ALKBH1: variants seen among roughly 807,000 people sequenced by gnomAD.
The protein encoded by ALKBH1 is nucleic acid dioxygenase ALKBH1.
ALKBH1 carries 31 observed loss-of-function variants against 36.6 expected under a neutral mutation model. That is an observed-to-expected ratio of 0.85 (90% CI 0.64 to 1.14). The LOEUF (loss-of-function observed/expected upper bound fraction) is 1.14. ALKBH1 is among the 50% of genes most tolerant of loss of function. ALKBH1 has a pLI of 0.00. For missense variants in ALKBH1, 490 were observed against 497.3 expected (o/e 0.99, Z 0.14); for synonymous variants, 183 against 186.6 (o/e 0.98, Z 0.16).
chr14:77,692,954 C>T (rs2080306046), intron 3 of ALKBH1, among the ~76,000 whole-genome samples: 2 of 151,520 alleles, frequency 1.3e-5, no homozygotes, highest in South Asian at 2.1e-4. Flanking sequence ...ACCTGTAATC[C>T]CAGCACTTTG....
intron 3 of ALKBH1, among the ~76,000 whole-genome samples, chr14:77,681,088 GATCA>G (rs1595049196): frequency 6.6e-6 from 1 of 152,034 alleles, no homozygotes; most frequent in Non-Finnish European, 1.5e-5. Context: ...TTACATCATT[GATCA>G]ATCAAAAATT....
chr14:77,704,307 T>C (rs2080376085), intron 2 of ALKBH1, 62 bp downstream of exon 2: 2 of 1,191,108 alleles, frequency 1.7e-6, no homozygotes, highest in East Asian at 2.3e-5. Context: ...GTACCTTCTT[T>C]GAAGACATGA....
chr14:77,703,554 C>T (rs1448240010), intron 2 of ALKBH1, among the ~76,000 whole-genome samples: 1 of 149,854 alleles, frequency 6.7e-6, no homozygotes, highest in South Asian at 2.1e-4. Flanking sequence ...CTCGGCCTCC[C>T]AAAGTGTTGG....
intron 2 of ALKBH1, among the ~76,000 whole-genome samples, chr14:77,701,059 C>T (rs1220967995): frequency 6.6e-6 from 1 of 152,160 alleles, no homozygotes; most frequent in Non-Finnish European, 1.5e-5. Context: ...TGTGCTACTG[C>T]ACCCCACTGG....
chr14:77,680,480 A>T (rs1386131785), intron 3 of ALKBH1, among the ~76,000 whole-genome samples: 1 of 152,198 alleles, frequency 6.6e-6, no homozygotes, highest in Admixed American at 6.5e-5. Context: ...AATAAAAAAT[A>T]ACTGGTTTAA....
rs1471363744 is a variant in ALKBH1 at position 77,672,438 on chromosome 14, A to C, written c.*1374T>G. On this transcript the variant is annotated 3_prime_UTR_variant, in exon 6 of 6. Transcript: ENST00000216489. ...AATCCATAATTTTTATTCATTTAAA[A>C]ACCCTGCTATTACCATATGAACTCA... is the stretch of plus-strand genomic sequence containing the variant. 1 of 152,212 alleles carries C rather than the reference A, an allele frequency of 6.6e-6. No individual in the cohort carries two copies. Among genetic ancestry groups the C allele is most frequent in the African/African-American group, 2.4e-5 (1 of 41,442 alleles). 9.4% of individuals were successfully genotyped at this position (152,212 alleles called of 1,614,324 possible).
intron 3 of ALKBH1, 63 bp downstream of exon 3, chr14:77,694,675 C>T: frequency 7.5e-7 from 1 of 1,333,966 alleles, no homozygotes; most frequent in Non-Finnish European, 9.8e-7. Flanking sequence ...AGAACAGTTC[C>T]TTCAAAGACC....
At chr14:77,696,793 C>G (rs1257304338) in intron 2 of ALKBH1, 3 of 152,530 alleles carry the variant, frequency 2.0e-5, no homozygotes, top group African/African-American at 7.2e-5. Context: ...GCAAAGATAT[C>G]CTGCTGGTGG....
intron 3 of ALKBH1, among the ~76,000 whole-genome samples, chr14:77,685,170 C>T (rs1007915766): frequency 3.9e-5 from 6 of 152,128 alleles, no homozygotes; most frequent in African/African-American, 1.2e-4. Flanking sequence ...TCACTGGGAG[C>T]GGTGGCTCAC....
intron 3 of ALKBH1, chr14:77,683,156 T>A (rs1399794639): frequency 3.4e-6 from 1 of 296,584 alleles, no homozygotes; most frequent in East Asian, 6.8e-5. Context: ...AGTCTTTTTT[T>A]TTTTTTTTTT....
intron 3 of ALKBH1, among the ~76,000 whole-genome samples, chr14:77,681,327 T>C (rs1296733637): frequency 6.6e-6 from 1 of 152,184 alleles, no homozygotes; most frequent in Non-Finnish European, 1.5e-5. Flanking sequence ...TTGGGGCTTC[T>C]TGGCAGAGTT....
At chr14:77,678,087 C>CAAAA (rs11440428) in intron 4 of ALKBH1, among the ~76,000 whole-genome samples, 1,964 of 54,236 alleles carry the variant, frequency 0.036, 89 homozygotes, top group Non-Finnish European at 0.045. Context: ...ATATTATCAC[C>CAAAA]AAAAAAAAAA....
chr14:77,699,676 GACAA>G (rs1181419048), intron 2 of ALKBH1, among the ~76,000 whole-genome samples: 12 of 152,282 alleles, frequency 7.9e-5, no homozygotes, highest in South Asian at 2.1e-4. Flanking sequence ...TCTGGGATAC[GACAA>G]ACAGAGTTGG....
intron 3 of ALKBH1, among the ~76,000 whole-genome samples, chr14:77,687,863 A>G (rs375592976): frequency 6.8e-6 from 1 of 146,602 alleles, no homozygotes; most frequent in Non-Finnish European, 1.5e-5. Context: ...AAAGAAAACC[A>G]CATCTATTTT....
intron 1 of ALKBH1, among the ~76,000 whole-genome samples, chr14:77,706,928 T>A (rs1347870801): frequency 6.6e-6 from 1 of 152,208 alleles, no homozygotes; most frequent in African/African-American, 2.4e-5. Flanking sequence ...TAGACATCTG[T>A]GGACAACACC....
intron 3 of ALKBH1, among the ~76,000 whole-genome samples, chr14:77,689,690 C>T (rs1383344536): frequency 7.7e-5 from 10 of 129,632 alleles, no homozygotes; most frequent in Non-Finnish European, 1.4e-4. Flanking sequence ...GCATTATAAA[C>T]AGTCAAGTAG....
rs1190907217 is a variant in ALKBH1 at position 77,679,888 on chromosome 14, C to T, written c.538G>A (p.Asp180Asn). The T allele has an allele frequency of 3.1e-6, 5 of 1,613,840 alleles. No homozygotes were observed. Among genetic ancestry groups the T allele is most frequent in the Admixed American group, 1.7e-5 (1 of 60,028 alleles). The change falls in exon 4 of 6, where the codon GAC becomes AAC. Residue 180 changes from aspartate to asparagine, a missense_variant. By Grantham distance (23) the Asp-to-Asn change is conservative (BLOSUM62 1). Transcript: ENST00000216489. ...TAAGAAAACCTGAATACCTTACTGT[C>T]CCAGTTATAATGGTAGCCTACGGTC... ...WVTVGYHYNW[D>N]SKKYSADHYT...
rs558326346 is a variant in ALKBH1, at chr14:77,694,843, T to C, written c.350A>G (p.Gln117Arg). 1.9e-6 allele frequency: 3 copies of C among 1,601,684 alleles called. No individual in the cohort carries two copies. The highest frequency in any genetic ancestry group is 1.7e-6 in the Non-Finnish European group (2 of 1,174,530). Residue 117 changes from glutamine to arginine, a missense_variant, in exon 3 of 6, where the codon CAG becomes CGG. Transcript: ENST00000216489. ...TTTCTGGGAATATAACTTAAGGCAC[T>C]GTTTCACCCAGTGCCACTGGTAACC... is the stretch of plus-strand genomic sequence containing the variant. The part of the protein sequence containing the change: ...LPGYQWHWVK[Q>R]CLKLYSQKPN...
At chr14:77,700,098 T>G (rs1170569827) in intron 2 of ALKBH1, among the ~76,000 whole-genome samples, 4 of 152,004 alleles carry the variant, frequency 2.6e-5, no homozygotes, top group Non-Finnish European at 5.9e-5. Context: ...AATACTAGGC[T>G]CTAACCAAAC....
Sources: gnomAD v4.1 joint callset for allele counts (sites outside exome capture counted in the v4.1 genomes callset) on GRCh38, gnomAD v4.1.1 for gene constraint, MANE v1.5 for transcripts, NCBI Gene and HGNC (gene_info 2026-07-23, HGNC 2026-07-21) for gene names.